NRG3: variants seen among roughly 807,000 people sequenced by gnomAD.
NRG3 encodes the protein neuregulin 3.
NRG3 carries 31 observed loss-of-function variants against 66.9 expected under a neutral mutation model. The ratio of observed to expected loss-of-function variants is 0.46; its 90% CI spans 0.35 to 0.63. The LOEUF (loss-of-function observed/expected upper bound fraction) is 0.63. Among genes scored for constraint, NRG3 ranks in the 20% least tolerant of loss-of-function variants. The probability of loss-of-function intolerance (pLI) is 0.00; values close to 1 mark genes in which losing one functional copy is unlikely to be tolerated. For missense variants in NRG3, 910 were observed against 878.9 expected (o/e 1.04, Z -0.45); for synonymous variants, 393 against 359.4 (o/e 1.09, Z -1.06).
chr10:82,663,548 T>G (rs1405590025), intron 2 of NRG3, among the ~76,000 whole-genome samples: 1 of 152,108 alleles, frequency 6.6e-6, no homozygotes, highest in Non-Finnish European at 1.5e-5. Context: ...AGCCTTAGCA[T>G]CAATCAACAG....
intron 2 of NRG3, among the ~76,000 whole-genome samples, chr10:82,519,400 A>G (rs1845986375): frequency 6.6e-6 from 1 of 152,234 alleles, no homozygotes; most frequent in African/African-American, 2.4e-5. Context: ...TCATTTGAAT[A>G]TAGCAGATTG....
At chr10:82,675,298 G>A (rs2053602882) in intron 2 of NRG3, among the ~76,000 whole-genome samples, 1 of 152,078 alleles carries the variant, frequency 6.6e-6, no homozygotes, top group South Asian at 2.1e-4. Flanking sequence ...TGATGGGAGT[G>A]GCTAGACAAT....
intron 5 of NRG3, among the ~76,000 whole-genome samples, chr10:82,951,905 G>A (rs2132364510): frequency 6.6e-6 from 1 of 152,288 alleles, no homozygotes; most frequent in African/African-American, 2.4e-5. Flanking sequence ...GTCACTAAAG[G>A]CTAACTCTTC....
At chr10:82,957,174 G>C (rs1850129218) in intron 5 of NRG3, among the ~76,000 whole-genome samples, 1 of 151,928 alleles carries the variant, frequency 6.6e-6, no homozygotes, top group South Asian at 2.1e-4. Flanking sequence ...CATTTTGCGT[G>C]TGCCTCCACA....
At chr10:82,675,348 G>T (rs78147404) in intron 2 of NRG3, among the ~76,000 whole-genome samples, 337 of 152,266 alleles carry the variant, frequency 2.2e-3, no homozygotes, top group Non-Finnish European at 3.6e-3. Context: ...AAGTCATAGG[G>T]TTATGGGAAA....
intron 1 of NRG3, among the ~76,000 whole-genome samples, chr10:82,231,219 C>T (rs1451809233): frequency 7.2e-5 from 11 of 151,804 alleles, no homozygotes; most frequent in East Asian, 1.9e-4. Flanking sequence ...GGCAGGTGCC[C>T]GTAATCCCAT....
intron 3 of NRG3, among the ~76,000 whole-genome samples, chr10:82,759,678 G>A (rs1402657120): frequency 6.6e-6 from 1 of 152,144 alleles, no homozygotes; most frequent in Non-Finnish European, 1.5e-5. Flanking sequence ...CTTAGCCAAA[G>A]TGATGAGAAG....
At chr10:82,885,685 A>G (rs1053348039) in intron 4 of NRG3, among the ~76,000 whole-genome samples, 1 of 152,138 alleles carries the variant, frequency 6.6e-6, no homozygotes, top group African/African-American at 2.4e-5. Context: ...GGTATTGAAG[A>G]ATTGTAGGCC....
intron 3 of NRG3, among the ~76,000 whole-genome samples, chr10:82,794,947 A>G (rs2060736121): frequency 6.6e-6 from 1 of 152,176 alleles, no homozygotes; most frequent in South Asian, 2.1e-4. Context: ...CTCTCTCCCC[A>G]CCAAAAGTTC....
intron 1 of NRG3, among the ~76,000 whole-genome samples, chr10:82,349,954 G>A (rs1313219362): frequency 1.3e-5 from 2 of 151,962 alleles, no homozygotes; most frequent in Non-Finnish European, 2.9e-5. Flanking sequence ...ACTGACCTGC[G>A]CCCACTGTCT....
chr10:82,739,973 T>G (rs943745876), intron 3 of NRG3, among the ~76,000 whole-genome samples: 1 of 145,410 alleles, frequency 6.9e-6, no homozygotes, highest in Non-Finnish European at 1.5e-5. Context: ...CATAAAATAA[T>G]GGGCTTGCTG....
intron 2 of NRG3, among the ~76,000 whole-genome samples, chr10:82,717,685 G>A (rs991360275): frequency 1.3e-5 from 2 of 152,078 alleles, no homozygotes; most frequent in African/African-American, 4.8e-5. Flanking sequence ...TTACAGGCGT[G>A]AGCCACCACC....
chr10:82,922,566 G>A (rs1846544998), intron 4 of NRG3, among the ~76,000 whole-genome samples: 1 of 152,136 alleles, frequency 6.6e-6, no homozygotes, highest in South Asian at 2.1e-4. Context: ...AACAGACGCT[G>A]GAGGTTTAGA....
At chr10:82,226,788 G>A (rs2076184140) in intron 1 of NRG3, among the ~76,000 whole-genome samples, 1 of 152,150 alleles carries the variant, frequency 6.6e-6, no homozygotes, top group Admixed American at 6.5e-5. Flanking sequence ...ACAGTTAGTT[G>A]TCCAGATTCA....
At chr10:82,603,633 G>A (rs1253943888) in intron 2 of NRG3, among the ~76,000 whole-genome samples, 2 of 151,844 alleles carry the variant, frequency 1.3e-5, no homozygotes, top group African/African-American at 4.8e-5. Flanking sequence ...GTAAGCTTAA[G>A]AGAAAGAAAA....
chr10:82,517,992 G>A (rs778631858), intron 2 of NRG3, among the ~76,000 whole-genome samples: 12 of 152,114 alleles, frequency 7.9e-5, no homozygotes, highest in African/African-American at 7.2e-5. Flanking sequence ...AGATCTACGC[G>A]TATTTGGGGA....
At chr10:82,541,592 G>A (rs1220297931) in intron 2 of NRG3, among the ~76,000 whole-genome samples, 2 of 152,152 alleles carry the variant, frequency 1.3e-5, no homozygotes, top group African/African-American at 4.8e-5. Flanking sequence ...TCCATACAAT[G>A]TCTGGAATCT....
chr10:82,425,403 AG>A (rs1376678879), intron 2 of NRG3, among the ~76,000 whole-genome samples: 15 of 3,854 alleles, frequency 3.9e-3, no homozygotes, highest in South Asian at 0.012. Flanking sequence ...TTTTAAATGG[AG>A]GTTTTTTTTT....
chr10:81,890,870 T>C (rs1464781056), intron 1 of NRG3, among the ~76,000 whole-genome samples: 2 of 152,220 alleles, frequency 1.3e-5, no homozygotes, highest in African/African-American at 4.8e-5. Context: ...ACTTTTAAAC[T>C]CAGACACTTT....
Sources: allele counts gnomAD v4.1 joint callset (sites outside exome capture counted in the v4.1 genomes callset), GRCh38; gene constraint gnomAD v4.1.1; transcripts MANE v1.5; gene names NCBI Gene and HGNC (gene_info 2026-07-23, HGNC 2026-07-21).